Variants in PDGFRB observed in about 807,000 individuals in gnomAD.
The protein encoded by PDGFRB is platelet-derived growth factor receptor beta.
Under a neutral mutation model 120.2 loss-of-function variants are expected in PDGFRB, and 42 were observed. That is an observed-to-expected ratio of 0.35 (90% CI 0.27 to 0.45). The LOEUF (loss-of-function observed/expected upper bound fraction) is 0.45, where lower values mean the gene tolerates loss of function less well. Among genes scored for constraint, PDGFRB ranks in the 20% least tolerant of loss-of-function variants. The pLI is 1.00. For synonymous variants in PDGFRB, 586 were observed against 606.8 expected (o/e 0.97, Z 0.50); for missense variants, 1,149 against 1,476.3 (o/e 0.78, Z 3.63).
At position 150,139,043 on chromosome 5, in the gene PDGFRB, C is replaced by T. The variant is rs113576571; in HGVS notation, c.-6-1990G>A. Among the ~76,000 whole-genome samples the T allele has an allele frequency of 1.7e-3, 257 of 152,290 alleles. 2 individuals carry two copies. Among genetic ancestry groups the T allele is most frequent in the African/African-American group, 5.8e-3 (240 of 41,562 alleles). ...GGCCTTCATGGCATGCAGCCCCCGA[C>T]CCTCCTCCCATGTGGCACTCCATCC... is the stretch of plus-strand genomic sequence containing the variant. On this transcript the variant is annotated intron_variant, in intron 1 of 22. Transcript: ENST00000261799.
Position 150,124,289 on chromosome 5 carries a change from G to T in PDGFRB, c.1984C>A (p.Leu662Met). Residue 662 changes from leucine (L) to methionine (M), a missense_variant, in exon 14 of 23, where the codon CTG (leucine) becomes ATG (methionine). By Grantham distance (15) the Leu-to-Met change is conservative. This residue lies in a region of PDGFRB where 879 missense variants were observed against 1,108.6 expected (regional missense o/e 0.79). Transcript: ENST00000261799. Reference sequence around the variant, plus strand: ...GCCCCCAACAGGTTGACCACGTTCAGGTGGGGCCCAAGGTGACTCATGATC... The same window carrying T: ...GCCCCCAACAGGTTGACCACGTTCATGTGGGGCCCAAGGTGACTCATGATC... Reference protein sequence around the residue: ...LKIMSHLGPHLNVVNLLGACT... With the variant: ...LKIMSHLGPHMNVVNLLGACT... 6.2e-7 allele frequency: 1 copy of T among 1,614,070 alleles called. No individual in the cohort carries two copies. The highest frequency in any genetic ancestry group is 8.5e-7 in the Non-Finnish European group (1 of 1,179,900).
Position 150,120,712 on chromosome 5 carries a change from C to T in PDGFRB, c.2586+176G>A, listed in dbSNP as rs1159351779. On this transcript the variant is annotated intron_variant, in intron 18 of 22. Transcript: ENST00000261799. This position sits in a 1 kb window ranked among gnomAD's most constrained non-coding sequence, Gnocchi z 4.3. ...CTCCATGCACTCCTGGGCGGCTCCC[C>T]ATCCTGTCCCTGCACACATAGCTGG... Among the ~76,000 whole-genome samples, 4 of 152,190 alleles carry T rather than the reference C, an allele frequency of 2.6e-5. No individual in the cohort carries two copies. Among genetic ancestry groups the T allele is most frequent in the Admixed American group, 2.6e-4 (4 of 15,282 alleles).
chr5:150,114,069 C>G lies in PDGFRB; in HGVS notation c.*1694G>C. On this transcript the variant is annotated 3_prime_UTR_variant, in exon 23 of 23. Coordinates refer to ENST00000261799, the MANE Select transcript of PDGFRB (RefSeq NM_002609.4). ...GATCCCAGGGAAGTAAGGTGCCAAC[C>G]TGCAATGCAGGGTTGGTGCCCAGAG... 1 of 233,686 alleles carries G rather than the reference C, an allele frequency of 4.3e-6. No homozygotes were observed. Among genetic ancestry groups the G allele is most frequent in the East Asian group, 6.0e-5 (1 of 16,582 alleles). 14.5% of individuals were successfully genotyped at this position (233,686 alleles called of 1,614,324 possible).
chr5:150,138,958 G>C (rs549066744), intron 1 of PDGFRB, among the ~76,000 whole-genome samples: 4 of 152,244 alleles, frequency 2.6e-5, no homozygotes, highest in Non-Finnish European at 5.9e-5. Context: ...GCCAGGAGAA[G>C]GGAGGTCACT....
At chr5:150,154,083 A>G (rs571576334) in intron 1 of PDGFRB, 1 of 152,256 alleles carries the variant, frequency 6.6e-6, no homozygotes, top group South Asian at 2.1e-4. Context: ...GATCACCAAC[A>G]GGGGAGGGCC....
intron 1 of PDGFRB, among the ~76,000 whole-genome samples, chr5:150,140,270 G>C: frequency 6.6e-6 from 1 of 152,124 alleles, no homozygotes; most frequent in South Asian, 2.1e-4. Flanking sequence ...TGACTTGGTG[G>C]TAGTGGGCTT....
rs761193040 is a variant in PDGFRB at position 150,133,867 on chromosome 5, T to G, written c.759+14A>C. On this transcript the variant is annotated intron_variant, in intron 5 of 22. Coordinates refer to ENST00000261799, the MANE Select transcript of PDGFRB (RefSeq NM_002609.4). ...CCTGGCCCCTCCTCCGACCCCTGCC[T>G]GGCCCCACATTACTTCTTTGCGGGG... The G allele has an allele frequency of 6.2e-7, 1 of 1,614,086 alleles. No homozygotes were observed.
chr5:150,127,638 G>A (rs545226972), intron 10 of PDGFRB, among the ~76,000 whole-genome samples: 2 of 151,772 alleles, frequency 1.3e-5, no homozygotes, highest in South Asian at 2.1e-4. Flanking sequence ...GTTCAAGACC[G>A]GCCTGGCCAA....
intron 19 of PDGFRB, 35 bp from the exon 20 acceptor site, chr5:150,119,601 CAG>C (rs764769134): frequency 9.0e-6 from 12 of 1,331,790 alleles, no homozygotes; most frequent in Non-Finnish European, 1.3e-5. Context: ...TACACAGGCT[CAG>C]GGGTGGAAAA....
chr5:150,118,819 C>T lies in PDGFRB; in HGVS notation c.2832G>A (p.Lys944=). 1 of 1,613,290 alleles carries T rather than the reference C, an allele frequency of 6.2e-7. No individual in the cohort carries two copies. The highest frequency in any genetic ancestry group is 8.5e-7 in the Non-Finnish European group (1 of 1,179,274). The change falls in exon 21 of 23, where the codon AAG becomes AAA. Residue 944 remains lysine, a synonymous_variant. Coordinates refer to ENST00000261799, the MANE Select transcript of PDGFRB (RefSeq NM_002609.4). ...GGGAGAAGGGGGGCCGAATCTCAAACTTCTCTTCCCAGCACTTCTGCATGA... is the reference window on the plus strand; with the variant it reads ...GGGAGAAGGGGGGCCGAATCTCAAATTTCTCTTCCCAGCACTTCTGCATGA... ...YEIMQKCWEE[K]FEIRPPFSQL...
intron 1 of PDGFRB, among the ~76,000 whole-genome samples, chr5:150,147,660 G>C (rs1760962250): frequency 6.6e-6 from 1 of 152,222 alleles, no homozygotes; most frequent in African/African-American, 2.4e-5. Context: ...CTGGGCGGCA[G>C]AGCAGGAGGG....
At chr5:150,136,621 T>C (rs1277243411) in intron 2 of PDGFRB, among the ~76,000 whole-genome samples, 1 of 148,474 alleles carries the variant, frequency 6.7e-6, no homozygotes, top group African/African-American at 2.5e-5. Context: ...CGGGCAGGAG[T>C]GAGGGGTGGG....
Position 150,115,538 on chromosome 5 carries a change from T to C in PDGFRB, c.*225A>G, listed in dbSNP as rs991515910. 11 of 405,662 alleles carry C rather than the reference T, an allele frequency of 2.7e-5. No individual in the cohort carries two copies. The highest frequency in any genetic ancestry group is 4.3e-5 in the Non-Finnish European group (10 of 231,570). 25.1% of individuals were successfully genotyped at this position (405,662 alleles called of 1,614,324 possible). ...TGGGGGAACCCTGGCTCAGAGTCAGTTGGCCTCCCTGGAGGCAGAGGGCTG... is the reference window on the plus strand; with the variant it reads ...TGGGGGAACCCTGGCTCAGAGTCAGCTGGCCTCCCTGGAGGCAGAGGGCTG... On this transcript the variant is annotated 3_prime_UTR_variant, in exon 23 of 23. Coordinates refer to ENST00000261799, the MANE Select transcript of PDGFRB (RefSeq NM_002609.4).
rs1761214786 is a variant in PDGFRB at position 150,155,755 on chromosome 5, T to G, written c.-365A>C. The G allele has an allele frequency of 2.5e-6, 1 of 398,616 alleles. No individual in the cohort carries two copies. Among genetic ancestry groups the G allele is most frequent in the African/African-American group, 2.1e-5 (1 of 48,738 alleles). The allele number at this position is 398,616 out of a possible 1,614,324, so 24.7% of individuals were successfully genotyped here. On this transcript the variant is annotated 5_prime_UTR_variant, in exon 1 of 23. Transcript: ENST00000261799. ...CAGCAGGGCTGAGGGGCCGGCTCTC[T>G]CCTCCTCCTTGTTGATCTCCTCTCT...
In PDGFRB at chr5:150,121,470, T is replaced by C; in HGVS notation, c.2345-148A>G. 1.6e-6 allele frequency: 1 copy of C among 643,380 alleles called. No individual in the cohort carries two copies. Among genetic ancestry groups the C allele is most frequent in the Non-Finnish European group, 2.8e-6 (1 of 353,474 alleles). The allele number at this position is 643,380 out of a possible 1,614,324, so 39.9% of individuals were successfully genotyped here. A position where few individuals can be genotyped will look rare whatever the true frequency, so the allele number is the denominator to read the frequency against. On this transcript the variant is annotated intron_variant, in intron 16 of 22. Transcript: ENST00000261799. The surrounding 1 kb of genome is among the most constrained non-coding windows in gnomAD (Gnocchi z 4.1). Reference sequence around the variant, plus strand: ...CCCTAAAAGGAGAATGATTTCTTAATATCAAACTCAAAGTTCTCCTGCTTT... The same window carrying C: ...CCCTAAAAGGAGAATGATTTCTTAACATCAAACTCAAAGTTCTCCTGCTTT...
In PDGFRB at chr5:150,130,512, G is replaced by A. The variant is rs199733874; in HGVS notation, c.1367+27C>T. On this transcript the variant is annotated intron_variant, in intron 9 of 22. Coordinates refer to ENST00000261799, the MANE Select transcript of PDGFRB (RefSeq NM_002609.4). ...CTTTTTCTAGCCAGCTGGGGACACT[G>A]GGAGACTGAGGCCCAGGTCTGCTCA... 3 of 1,607,988 alleles carry A rather than the reference G, an allele frequency of 1.9e-6. No individual in the cohort carries two copies. The African/African-American group carries it at 4.0e-5, about 22-fold the overall frequency.
In PDGFRB at chr5:150,132,856, C is replaced by G. The variant is rs942220808; in HGVS notation, c.1021G>C (p.Glu341Gln). 2.5e-6 allele frequency: 4 copies of G among 1,607,216 alleles called. No homozygotes were observed. The highest frequency in any genetic ancestry group is 3.4e-6 in the Non-Finnish European group (4 of 1,177,264). ...HRSRTLQVVF[E>Q]AYPPPTVLWF... ...AGGACAGTGGGCGGTGGGTAGGCCT[C>G]GAACACTACCTGCAGTGTCCGGCTC... Residue 341 changes from glutamate to glutamine, a missense_variant, in exon 7 of 23, where the codon GAG becomes CAG. Glu to Gln is a conservative substitution (Grantham distance 29). Coordinates refer to ENST00000261799, the MANE Select transcript of PDGFRB (RefSeq NM_002609.4). This position sits in a 1 kb window ranked among gnomAD's most constrained non-coding sequence, Gnocchi z 5.0.
At chr5:150,138,550 TCTC>T (rs1363242471) in intron 1 of PDGFRB, among the ~76,000 whole-genome samples, 3 of 152,292 alleles carry the variant, frequency 2.0e-5, no homozygotes, top group South Asian at 4.1e-4. Flanking sequence ...AATCAGCTCT[TCTC>T]CTCCCTCCTC....
rs1759836142 is a variant in PDGFRB, at chr5:150,113,889, A to G, written c.*1874T>C. ...TATTAAAATCTTTCCCTTAAAAAAA[A>G]GTACACAGATAGAAAAACTCAACAG... On this transcript the variant is annotated 3_prime_UTR_variant, in exon 23 of 23. Coordinates refer to ENST00000261799, the MANE Select transcript of PDGFRB (RefSeq NM_002609.4). 1 of 232,532 alleles carries G rather than the reference A, an allele frequency of 4.3e-6. No individual in the cohort carries two copies. Among genetic ancestry groups the G allele is most frequent in the Non-Finnish European group, 8.5e-6 (1 of 117,474 alleles). The allele number at this position is 232,532 out of a possible 1,614,324, so 14.4% of individuals were successfully genotyped here. A position where few individuals can be genotyped will look rare whatever the true frequency, so the allele number is the denominator to read the frequency against.
Sources: allele counts gnomAD v4.1 joint callset (sites outside exome capture counted in the v4.1 genomes callset), GRCh38; gene constraint gnomAD v4.1.1; regional missense constraint gnomAD v4.1.1; non-coding constraint Gnocchi (gnomAD v3.1); transcripts MANE v1.5; gene names NCBI Gene and HGNC (gene_info 2026-07-23, HGNC 2026-07-21).